The following SPTAN1 variants were observed in gnomAD, a reference collection of about 807,000 sequenced individuals.
SPTAN1 encodes the protein spectrin alpha, non-erythrocytic 1, also known as spectrin alpha chain, non-erythrocytic 1.
Under a neutral mutation model 331.3 loss-of-function variants are expected in SPTAN1, and 61 were observed. The observed-to-expected ratio is 0.18, with a 90% confidence interval of 0.15 to 0.23. SPTAN1 has a LOEUF of 0.23. Among genes scored for constraint, SPTAN1 ranks in the 10% least tolerant of loss-of-function variants. The pLI is 1.00. For synonymous variants in SPTAN1, 1,153 were observed against 1,173.9 expected, an observed-to-expected ratio of 0.98 and a Z score of 0.36; for missense variants, 2,043 against 3,147.9, an observed-to-expected ratio of 0.65 and a Z score of 8.40.
Position 128,622,293 on chromosome 9 carries a change from C to CTTTTT in SPTAN1, c.5832+1056_5832+1060dup, listed in dbSNP as rs35122170. 2.6e-3 allele frequency among the ~76,000 whole-genome samples: 238 copies of CTTTTT among 91,508 alleles called. 13 individuals carry two copies. Among genetic ancestry groups the CTTTTT allele is most frequent in the African/African-American group, 1.0e-2 (211 of 21,144 alleles). The allele number at this position is 91,508 out of a possible 152,430, so 60.0% of individuals were successfully genotyped here. A position where few individuals can be genotyped will look rare whatever the true frequency, so the allele number is the denominator to read the frequency against. On this transcript the variant is annotated intron_variant, in intron 45 of 56. Coordinates refer to ENST00000372739, the MANE Select transcript of SPTAN1 (RefSeq NM_001130438.3). Reference sequence around the variant, plus strand: ...CAGCCTCCTGGCAACGAGCCAGCTGCTTTTTTTTTTTTTTTTTTTTTTTGC... The same window carrying CTTTTT: ...CAGCCTCCTGGCAACGAGCCAGCTGCTTTTTTTTTTTTTTTTTTTTTTTTTTTTGC...
intron 45 of SPTAN1, among the ~76,000 whole-genome samples, chr9:128,623,718 C>A (rs140422066): frequency 1.9e-4 from 28 of 150,790 alleles, no homozygotes; most frequent in African/African-American, 6.1e-4. Context: ...AAATGATCTG[C>A]CCACCTCAGC....
Position 128,605,673 on chromosome 9 carries a change from A to G in SPTAN1, c.4046+196A>G, listed in dbSNP as rs143198445. Among the ~76,000 whole-genome samples the G allele has an allele frequency of 2.8e-3, 429 of 152,156 alleles. 10 individuals are homozygous for G. The East Asian group carries it at 0.041, about 15-fold the overall frequency. On this transcript the variant is annotated intron_variant, in intron 31 of 56. Coordinates refer to ENST00000372739, the MANE Select transcript of SPTAN1 (RefSeq NM_001130438.3). ...AGCCTGGGCTACATGGCGAAACCCT[A>G]TTTCTATTATAAAATTTTAATTTAA...
At chr9:128,608,750 A>G in intron 34 of SPTAN1, 124 bp from the exon 35 acceptor site, 1 of 920,670 alleles carries the variant, frequency 1.1e-6, no homozygotes, top group Non-Finnish European at 1.8e-6. Context: ...GTGTCAGTGT[A>G]TTCTGATCCT....
At chr9:128,622,926 T>C (rs1858110479) in intron 45 of SPTAN1, among the ~76,000 whole-genome samples, 1 of 151,782 alleles carries the variant, frequency 6.6e-6, no homozygotes, top group Admixed American at 6.6e-5. Flanking sequence ...CTAATTTTTG[T>C]ATTTTTATTA....
intron 43 of SPTAN1, among the ~76,000 whole-genome samples, chr9:128,618,470 C>T (rs945863014): frequency 2.0e-5 from 3 of 151,500 alleles, no homozygotes; most frequent in African/African-American, 7.3e-5. Flanking sequence ...TGTGAGGGCT[C>T]ACCTTTTTTG....
intron 41 of SPTAN1, among the ~76,000 whole-genome samples, chr9:128,617,238 C>CAA (rs531584960): frequency 1.8e-5 from 2 of 111,684 alleles, no homozygotes; most frequent in South Asian, 5.7e-4. Flanking sequence ...GACTCTGTCT[C>CAA]AAAAAAAAAA....
chr9:128,609,409 T>A, intron 36 of SPTAN1, 125 bp downstream of exon 36: 1 of 1,450,492 alleles, frequency 6.9e-7, no homozygotes, highest in African/African-American at 1.4e-5. Context: ...AATATTTCAG[T>A]AAGCCCAGCC....
At chr9:128,614,083 T>C (rs1325387945) in intron 40 of SPTAN1, among the ~76,000 whole-genome samples, 2 of 151,968 alleles carry the variant, frequency 1.3e-5, no homozygotes, top group African/African-American at 4.8e-5. Flanking sequence ...GGTAGGTAGG[T>C]AGAAAAGGGA....
Position 128,603,604 on chromosome 9 carries a change from ACCAGCTCC to A in SPTAN1, c.3627+15_3627+22del. 1 of 1,614,178 alleles carries A rather than the reference ACCAGCTCC, an allele frequency of 6.2e-7. No homozygotes were observed. Among genetic ancestry groups the A allele is most frequent in the African/African-American group, 1.3e-5 (1 of 75,060 alleles). On this transcript the variant is annotated intron_variant, in intron 28 of 56. Transcript: ENST00000372739. ...AATTCCATCAAGGTAAGAAGCAGTG[ACCAGCTCC>A]TCTGATCTCCCCTGGTTTTCTCCAC...
intron 4 of SPTAN1, among the ~76,000 whole-genome samples, 161 bp downstream of exon 4, chr9:128,574,976 G>C (rs574954259): frequency 2.0e-5 from 3 of 152,198 alleles, no homozygotes; most frequent in Non-Finnish European, 4.4e-5. Flanking sequence ...CTAGGTGTAT[G>C]TGCTATTCTG....
intron 41 of SPTAN1, 60 bp downstream of exon 41, chr9:128,615,900 C>T: frequency 1.3e-6 from 2 of 1,568,022 alleles, no homozygotes; most frequent in Non-Finnish European, 8.8e-7. Flanking sequence ...CAGCAGGAAC[C>T]ACAGGCTGAC....
rs1001509911 is a variant in SPTAN1 at position 128,621,106 on chromosome 9, C to G, written c.5734-52C>G. On this transcript the variant is annotated intron_variant, in intron 44 of 56. Transcript: ENST00000372739. ...TCACTCTCTGTCCCCGGGGCCTAGC[C>G]CACAACACATAGCAGGCTCTCAATA... 6.4e-6 allele frequency: 10 copies of G among 1,561,232 alleles called. No individual in the cohort carries two copies. The African/African-American group carries it at 1.2e-4, about 19-fold the overall frequency.
chr9:128,571,446 G>A (rs1279904728), intron 3 of SPTAN1, among the ~76,000 whole-genome samples: 3 of 152,072 alleles, frequency 2.0e-5, no homozygotes, highest in African/African-American at 4.8e-5. Flanking sequence ...TTAGCCAAGC[G>A]TGGTGTTGCG....
Position 128,625,027 on chromosome 9 carries a change from CT to C in SPTAN1, c.5993-75del. On this transcript the variant is annotated intron_variant, in intron 46 of 56. Coordinates refer to ENST00000372739, the MANE Select transcript of SPTAN1 (RefSeq NM_001130438.3). The surrounding 1 kb of genome is among the most constrained non-coding windows in gnomAD (Gnocchi z 4.1). ...TATCTGTACACAAAAAATGGTTTGTCTGGGTTTTGATGTTTTTCCTTTCTAA... is the reference window on the plus strand; with the variant it reads ...TATCTGTACACAAAAAATGGTTTGTCGGGTTTTGATGTTTTTCCTTTCTAA... 4.2e-6 allele frequency: 6 copies of C among 1,421,118 alleles called. No homozygotes were observed. The highest frequency in any genetic ancestry group is 6.0e-6 in the Non-Finnish European group (6 of 1,005,300). The allele number at this position is 1,421,118 out of a possible 1,614,324, so 88.0% of individuals were successfully genotyped here. A position where few individuals can be genotyped will look rare whatever the true frequency, so the allele number is the denominator to read the frequency against.
At chr9:128,585,676 A>G in intron 18 of SPTAN1, 72 bp from the exon 19 acceptor site, 1 of 1,311,456 alleles carries the variant, frequency 7.6e-7, no homozygotes, top group Non-Finnish European at 1.1e-6. Context: ...ACACACAGAG[A>G]AAACTTATTT....
At chr9:128,564,282 C>T (rs1467301817) in intron 1 of SPTAN1, among the ~76,000 whole-genome samples, 1 of 151,988 alleles carries the variant, frequency 6.6e-6, no homozygotes, top group East Asian at 1.9e-4. Flanking sequence ...AGCTAGGCAC[C>T]ATGATGGGCG....
Position 128,633,452 on chromosome 9 carries a change from G to A in SPTAN1, c.*118G>A. Reference sequence around the variant, plus strand: ...CTTAAGCCTGCTTAGCTTGGAATAAGACTTAGGAGAAAATGGTGCTTCACT... The same window carrying A: ...CTTAAGCCTGCTTAGCTTGGAATAAAACTTAGGAGAAAATGGTGCTTCACT... On this transcript the variant is annotated 3_prime_UTR_variant, in exon 57 of 57. Transcript: ENST00000372739. 6.5e-7 allele frequency: 1 copy of A among 1,545,754 alleles called. No individual in the cohort carries two copies. Among genetic ancestry groups the A allele is most frequent in the Non-Finnish European group, 8.8e-7 (1 of 1,131,142 alleles).
At chr9:128,563,875 CA>C (rs1160343680) in intron 1 of SPTAN1, among the ~76,000 whole-genome samples, 1 of 151,976 alleles carries the variant, frequency 6.6e-6, no homozygotes, top group East Asian at 1.9e-4. Context: ...TGGGCTCAAG[CA>C]ATCCGCCCAC....
At chr9:128,563,715 C>CTTTTTT (rs532597370) in intron 1 of SPTAN1, among the ~76,000 whole-genome samples, 1 of 133,536 alleles carries the variant, frequency 7.5e-6, no homozygotes. Context: ...TCAACCATTT[C>CTTTTTT]TTTTTTTTTT....
Sources: allele counts gnomAD v4.1 joint callset (sites outside exome capture counted in the v4.1 genomes callset), GRCh38; gene constraint gnomAD v4.1.1; non-coding constraint Gnocchi (gnomAD v3.1); transcripts MANE v1.5; gene names NCBI Gene and HGNC (gene_info 2026-07-23, HGNC 2026-07-21).